FRAS1: variants seen among roughly 807,000 people sequenced by gnomAD.
FRAS1 encodes the protein extracellular matrix organizing protein FRAS1.
A neutral mutation model predicts 435.2 loss-of-function variants in FRAS1; 290 were observed. The ratio of observed to expected loss-of-function variants is 0.67; its 90% CI spans 0.61 to 0.73. The LOEUF (loss-of-function observed/expected upper bound fraction) is 0.73, where lower values mean the gene tolerates loss of function less well. Ranked by LOEUF, FRAS1 falls within the 30% of genes least tolerant of loss-of-function variation. FRAS1 has a pLI of 0.00. For missense variants in FRAS1, 4,860 were observed against 5,001.5 expected (o/e 0.97, Z 0.85); for synonymous variants, 1,800 against 1,851.0 (o/e 0.97, Z 0.71).
At position 78,104,824 on chromosome 4, in the gene FRAS1, C is replaced by G. The variant is rs1410805812; in HGVS notation, c.108+38808C>G. 2.0e-5 allele frequency among the ~76,000 whole-genome samples: 3 copies of G among 152,256 alleles called. No homozygotes were observed. In the East Asian group the frequency reaches 5.8e-4, roughly 29 times the overall value. On this transcript the variant is annotated intron_variant, in intron 2 of 73. Transcript: ENST00000512123. The stretch of plus-strand genomic sequence containing the variant: ...AAGAGCCCTATTCTAGAATTGTACC[C>G]TTATTCTGTACTTCAGGTCCTGCAA...
intron 20 of FRAS1, among the ~76,000 whole-genome samples, chr4:78,362,983 G>A (rs1171909747): frequency 6.6e-6 from 1 of 152,166 alleles, no homozygotes; most frequent in Non-Finnish European, 1.5e-5. Context: ...AGGCAAACAG[G>A]AATATAAGTA....
chr4:78,434,729 A>G (rs796364106), intron 38 of FRAS1, among the ~76,000 whole-genome samples: 1 of 152,266 alleles, frequency 6.6e-6, no homozygotes, highest in African/African-American at 2.4e-5. Context: ...GCATTTCTAT[A>G]TATAAGCAAA....
intron 63 of FRAS1, 104 bp downstream of exon 63, chr4:78,509,110 T>G: frequency 7.9e-7 from 1 of 1,273,476 alleles, no homozygotes; most frequent in African/African-American, 1.5e-5. Flanking sequence ...GCATGGCATT[T>G]GGAATAAAAC....
chr4:78,324,730 T>G (rs937582412), intron 18 of FRAS1, among the ~76,000 whole-genome samples: 30 of 145,580 alleles, frequency 2.1e-4, no homozygotes, highest in Non-Finnish European at 3.9e-4. Context: ...TTTTTTTTTT[T>G]TCTGCATGTC....
At chr4:78,410,345 T>C (rs989198588) in intron 31 of FRAS1, among the ~76,000 whole-genome samples, 2 of 151,674 alleles carry the variant, frequency 1.3e-5, no homozygotes, top group Admixed American at 1.3e-4. Flanking sequence ...GACTACCCTG[T>C]CCATTGGAGT....
chr4:78,251,096 C>G (rs1322526045), intron 4 of FRAS1, among the ~76,000 whole-genome samples: 1 of 152,094 alleles, frequency 6.6e-6, no homozygotes, highest in East Asian at 1.9e-4. Context: ...TATCAATTTT[C>G]TTTTAAGTTC....
chr4:78,322,069 A>G (rs1729533338), intron 18 of FRAS1, among the ~76,000 whole-genome samples: 1 of 152,188 alleles, frequency 6.6e-6, no homozygotes, highest in Non-Finnish European at 1.5e-5. Flanking sequence ...AGTGATGAGA[A>G]TGTGGCAGAA....
chr4:78,317,263 C>A, intron 16 of FRAS1, 105 bp from the exon 17 acceptor site: 1 of 1,293,012 alleles, frequency 7.7e-7, no homozygotes, highest in Non-Finnish European at 1.1e-6. Flanking sequence ...TTTGGTGTGA[C>A]ATCCACAGGG....
At chr4:78,240,278 T>C (rs1330429572) in intron 3 of FRAS1, among the ~76,000 whole-genome samples, 1 of 152,122 alleles carries the variant, frequency 6.6e-6, no homozygotes, top group African/African-American at 2.4e-5. Context: ...ATATTAGAAA[T>C]GAGGAGATCA....
Position 78,282,918 on chromosome 4 carries a change from C to T in FRAS1, c.1206C>T (p.Gly402=). Residue 402 remains glycine, a synonymous_variant, in exon 12 of 74, where the codon GGC becomes GGT. Coordinates refer to ENST00000512123, the MANE Select transcript of FRAS1 (RefSeq NM_025074.7). The part of the protein sequence containing the change: ...YEPSCPPCPV[G]TLALEVKGQC... ...CCTCTTGCCCACCATGTCCAGTGGG[C>T]ACACTGGCCTTAGAGGTGAAGGGAC... 1 of 1,610,592 alleles carries T rather than the reference C, an allele frequency of 6.2e-7. No individual in the cohort carries two copies. The highest frequency in any genetic ancestry group is 1.3e-5 in the African/African-American group (1 of 74,892).
At chr4:78,414,813 A>G (rs1733485235) in intron 32 of FRAS1, among the ~76,000 whole-genome samples, 2 of 152,226 alleles carry the variant, frequency 1.3e-5, no homozygotes, top group African/African-American at 4.8e-5. Flanking sequence ...ACCATAAAAC[A>G]CAGTCTTTAT....
chr4:78,308,008 AATG>A, intron 14 of FRAS1, 55 bp from the exon 15 acceptor site: 2 of 1,508,044 alleles, frequency 1.3e-6, no homozygotes, highest in South Asian at 2.7e-5. Flanking sequence ...TTAAAAGAAA[AATG>A]ATGACCAGTC....
In FRAS1 at chr4:78,466,393, T is replaced by C. The variant is rs780583294; in HGVS notation, c.7215T>C (p.Asp2405=). The part of the protein sequence containing the change: ...LKDRFTFTVS[D]GTNPFFIIEE... ...ACCGGTTCACCTTCACTGTTTCTGA[T>C]GGGACAAACCCCTTCTTTATCATTG... The change falls in exon 50 of 74, where the codon GAT becomes GAC. Residue 2405 remains aspartate (D), a synonymous_variant. Coordinates refer to ENST00000512123, the MANE Select transcript of FRAS1 (RefSeq NM_025074.7). 27 of 1,613,874 alleles carry C rather than the reference T, an allele frequency of 1.7e-5. No homozygotes were observed. Among genetic ancestry groups the C allele is most frequent in the Non-Finnish European group, 2.3e-5 (27 of 1,179,838 alleles).
rs578189984 is a variant in FRAS1, at chr4:78,422,849, G to C, written c.4678+849G>C. On this transcript the variant is annotated intron_variant, in intron 34 of 73. Coordinates refer to ENST00000512123, the MANE Select transcript of FRAS1 (RefSeq NM_025074.7). ...ACTAGGGTAAGGGGAGGCCAGTGAGGGTCCTGCAGTACCTCAGGGAAGGTT... is the reference window on the plus strand; with the variant it reads ...ACTAGGGTAAGGGGAGGCCAGTGAGCGTCCTGCAGTACCTCAGGGAAGGTT... Among the ~76,000 whole-genome samples the C allele has an allele frequency of 3.0e-4, 46 of 152,292 alleles. 1 individual carries two copies. In the South Asian group the frequency reaches 8.9e-3, roughly 30 times the overall value.
In FRAS1 at chr4:78,315,739, G is replaced by A. The variant is rs1729218262; in HGVS notation, c.1819+5G>A. On this transcript the variant is annotated splice_donor_5th_base_variant and intron_variant, in intron 16 of 73. Coordinates refer to ENST00000512123, the MANE Select transcript of FRAS1 (RefSeq NM_025074.7). Reference sequence around the variant, plus strand: ...ATGCCACTGGCAGGTGCAAAGGTAAGAGATGGGTCACCATCATCATCATCA... The same window carrying A: ...ATGCCACTGGCAGGTGCAAAGGTAAAAGATGGGTCACCATCATCATCATCA... The A allele has an allele frequency of 6.2e-7, 1 of 1,613,922 alleles. No individual in the cohort carries two copies. The highest frequency in any genetic ancestry group is 8.5e-7 in the Non-Finnish European group (1 of 1,179,834).
chr4:78,277,867 A>G (rs1727132552), intron 9 of FRAS1, among the ~76,000 whole-genome samples: 1 of 151,612 alleles, frequency 6.6e-6, no homozygotes, highest in African/African-American at 2.4e-5. Flanking sequence ...GCTGGAGTGC[A>G]GTGGCGTGAT....
chr4:78,123,896 T>G (rs1719179265), intron 2 of FRAS1, among the ~76,000 whole-genome samples: 1 of 152,214 alleles, frequency 6.6e-6, no homozygotes, highest in East Asian at 1.9e-4. Context: ...TGGGGTTTTT[T>G]AAACATACAA....
intron 69 of FRAS1, among the ~76,000 whole-genome samples, chr4:78,524,533 G>A (rs10028402): frequency 1.3e-5 from 2 of 152,062 alleles, no homozygotes; most frequent in South Asian, 4.1e-4. Context: ...ATTAAAGACA[G>A]GTGCCTAAGA....
chr4:78,088,945 T>C (rs1459030220), intron 2 of FRAS1, among the ~76,000 whole-genome samples: 5 of 152,234 alleles, frequency 3.3e-5, no homozygotes, highest in East Asian at 1.9e-4. Context: ...ACCCAAAGGA[T>C]TATAAATCAT....
Sources: allele counts gnomAD v4.1 joint callset (sites outside exome capture counted in the v4.1 genomes callset), GRCh38; gene constraint gnomAD v4.1.1; transcripts MANE v1.5; gene names NCBI Gene and HGNC (gene_info 2026-07-23, HGNC 2026-07-21).